Variants in PRKD1 observed in about 807,000 individuals in gnomAD.
PRKD1 encodes the protein protein kinase D1.
PRKD1 carries 63 observed loss-of-function variants against 95.9 expected under a neutral mutation model. The ratio of observed to expected loss-of-function variants is 0.66; its 90% CI spans 0.54 to 0.81. The LOEUF (loss-of-function observed/expected upper bound fraction) is 0.81. Among genes scored for constraint, PRKD1 ranks in the 30% least tolerant of loss-of-function variants. The pLI is 0.00. For synonymous variants in PRKD1, 425 were observed against 423.1 expected (o/e 1.00, Z -0.05); for missense variants, 1,048 against 1,165.3 (o/e 0.90, Z 1.47).
intron 13 of PRKD1, among the ~76,000 whole-genome samples, chr14:29,600,928 A>T (rs1055386721): frequency 6.6e-6 from 1 of 152,154 alleles, no homozygotes; most frequent in African/African-American, 2.4e-5. Flanking sequence ...ATTAAAAAAA[A>T]ATTATATATT....
At chr14:29,622,387 T>TC (rs1465087683) in intron 13 of PRKD1, among the ~76,000 whole-genome samples, 3 of 146,144 alleles carry the variant, frequency 2.1e-5, no homozygotes, top group East Asian at 2.1e-4. Context: ...CTTCCTTCCT[T>TC]CTTTCCTTCC....
intron 2 of PRKD1, among the ~76,000 whole-genome samples, chr14:29,674,132 T>A (rs577388330): frequency 2.0e-5 from 3 of 152,048 alleles, no homozygotes; most frequent in Non-Finnish European, 4.4e-5. Flanking sequence ...TGGGTTAGAA[T>A]CACAGTTATT....
chr14:29,730,752 G>C (rs959895038), intron 1 of PRKD1, among the ~76,000 whole-genome samples: 1 of 152,074 alleles, frequency 6.6e-6, no homozygotes, highest in Non-Finnish European at 1.5e-5. Context: ...TACGTTAAGT[G>C]AAATAAGCCA....
chr14:29,735,713 TTTC>T (rs1453383098), intron 1 of PRKD1, among the ~76,000 whole-genome samples: 17 of 152,330 alleles, frequency 1.1e-4, no homozygotes, highest in Middle Eastern at 6.8e-3. Flanking sequence ...CACATGCCTC[TTTC>T]TTCAAGAACC....
rs1892573592 is a variant in PRKD1, at chr14:29,576,913, CA to C, written c.*324del. On this transcript the variant is annotated 3_prime_UTR_variant, in exon 18 of 18. Transcript: ENST00000331968. The stretch of plus-strand genomic sequence containing the variant: ...TTCACAGATACATTCTGTCTCTTAC[CA>C]AAATGAAGCTCCAGTAAGAAAAACA... 8.7e-6 allele frequency: 3 copies of C among 344,860 alleles called. No individual in the cohort carries two copies. The highest frequency in any genetic ancestry group is 1.7e-5 in the Non-Finnish European group (3 of 180,468). The allele number at this position is 344,860 out of a possible 1,614,324, so 21.4% of individuals were successfully genotyped here.
At chr14:29,640,288 A>G (rs1368819431) in intron 4 of PRKD1, among the ~76,000 whole-genome samples, 1 of 152,202 alleles carries the variant, frequency 6.6e-6, no homozygotes, top group East Asian at 1.9e-4. Flanking sequence ...CTAATTTTAA[A>G]TGATTACTGA....
intron 1 of PRKD1, among the ~76,000 whole-genome samples, chr14:29,776,064 A>G (rs1888737404): frequency 6.6e-6 from 1 of 152,164 alleles, no homozygotes; most frequent in Admixed American, 6.5e-5. Context: ...GCAAACTCCA[A>G]CAGACCTGCA....
rs984560638 is a variant in PRKD1 at position 29,796,436 on chromosome 14, T to C, written c.265-70762A>G. On this transcript the variant is annotated intron_variant, in intron 1 of 17. Transcript: ENST00000331968. Reference sequence around the variant, plus strand: ...ATGTAGACCTAAAAATTCCTATAGTTCCTGAAATAGGAAAATTGATTGTTT... The same window carrying C: ...ATGTAGACCTAAAAATTCCTATAGTCCCTGAAATAGGAAAATTGATTGTTT... Among the ~76,000 whole-genome samples the C allele has an allele frequency of 5.9e-5, 9 of 152,298 alleles. No individual in the cohort carries two copies. In the South Asian group the frequency reaches 1.0e-3, roughly 18 times the overall value.
At chr14:29,630,429 G>A (rs928223164) in intron 10 of PRKD1, 3 of 261,074 alleles carry the variant, frequency 1.1e-5, no homozygotes, top group Non-Finnish European at 2.2e-5. Context: ...GTGAGCCACT[G>A]AGCCCGGCCA....
At chr14:29,877,159 A>C (rs1480511696) in intron 1 of PRKD1, among the ~76,000 whole-genome samples, 2 of 152,134 alleles carry the variant, frequency 1.3e-5, no homozygotes, top group African/African-American at 4.8e-5. Context: ...CTCAAAGAAA[A>C]AAAAAGAAGA....
intron 1 of PRKD1, among the ~76,000 whole-genome samples, chr14:29,771,489 G>A (rs913581298): frequency 6.6e-6 from 1 of 152,076 alleles, no homozygotes; most frequent in African/African-American, 2.4e-5. Context: ...AAACCTTGGT[G>A]GTGTCTGTGT....
intron 1 of PRKD1, among the ~76,000 whole-genome samples, chr14:29,836,869 C>G (rs1891630244): frequency 6.6e-6 from 1 of 152,100 alleles, no homozygotes; most frequent in Non-Finnish European, 1.5e-5. Flanking sequence ...GTGAGCTAGA[C>G]AAGGTTACGA....
chr14:29,602,354 C>T (rs1035820113), intron 13 of PRKD1, among the ~76,000 whole-genome samples: 1 of 151,700 alleles, frequency 6.6e-6, no homozygotes, highest in Non-Finnish European at 1.5e-5. Context: ...GGGAGAGACG[C>T]AATGACTGGG....
At chr14:29,584,293 CAGAAGGT>C (rs1158875450) in intron 16 of PRKD1, among the ~76,000 whole-genome samples, 1 of 151,264 alleles carries the variant, frequency 6.6e-6, no homozygotes, top group African/African-American at 2.4e-5. Flanking sequence ...GTTTTGTATG[CAGAAGGT>C]AGATTTACAG....
At chr14:29,739,608 T>G (rs1886893892) in intron 1 of PRKD1, among the ~76,000 whole-genome samples, 1 of 152,234 alleles carries the variant, frequency 6.6e-6, no homozygotes, top group South Asian at 2.1e-4. Context: ...AGATTTTGGC[T>G]ATGAGATTCT....
chr14:29,688,096 C>T (rs577428790), intron 2 of PRKD1, among the ~76,000 whole-genome samples: 21 of 152,296 alleles, frequency 1.4e-4, no homozygotes, highest in African/African-American at 4.3e-4. Context: ...GGAAATAATA[C>T]ATTTTCTTGC....
chr14:29,664,682 G>T (rs1023778114), intron 3 of PRKD1, among the ~76,000 whole-genome samples: 2 of 152,110 alleles, frequency 1.3e-5, no homozygotes, highest in African/African-American at 4.8e-5. Flanking sequence ...ATTTGTCAAA[G>T]TTCAAAGAAC....
At chr14:29,843,167 T>C (rs1225515132) in intron 1 of PRKD1, among the ~76,000 whole-genome samples, 2 of 152,098 alleles carry the variant, frequency 1.3e-5, no homozygotes, top group African/African-American at 2.4e-5. Context: ...ATATGAATGG[T>C]GTCTTTATAA....
chr14:29,852,566 T>G (rs1892349789), intron 1 of PRKD1, among the ~76,000 whole-genome samples: 1 of 150,626 alleles, frequency 6.6e-6, no homozygotes, highest in Non-Finnish European at 1.5e-5. Context: ...AAGAGAGGCA[T>G]AAAGAGTATT....
Sources: gnomAD v4.1 joint callset for allele counts (sites outside exome capture counted in the v4.1 genomes callset) on GRCh38, gnomAD v4.1.1 for gene constraint, MANE v1.5 for transcripts, NCBI Gene and HGNC (gene_info 2026-07-23, HGNC 2026-07-21) for gene names.